The following MLIP variants were observed in gnomAD, a reference collection of about 807,000 sequenced individuals.
MLIP encodes the protein muscular LMNA interacting protein, also known as muscular LMNA-interacting protein.
A neutral mutation model predicts 84.8 loss-of-function variants in MLIP; 79 were observed. The ratio of observed to expected loss-of-function variants is 0.93; its 90% confidence interval spans 0.78 to 1.12. The LOEUF (loss-of-function observed/expected upper bound fraction) is 1.12. MLIP is among the 50% of genes most tolerant of loss of function. MLIP has a pLI of 0.00. For synonymous variants in MLIP, 504 were observed against 463.0 expected (o/e 1.09, Z -1.14); for missense variants, 1,257 against 1,160.6 (o/e 1.08, Z -1.21).
chr6:54,233,368 C>G (rs1781140454), intron 12 of MLIP, among the ~76,000 whole-genome samples: 1 of 151,724 alleles, frequency 6.6e-6, no homozygotes, highest in Non-Finnish European at 1.5e-5. Flanking sequence ...GTGATGTTCC[C>G]CTCTCTGTGT....
intron 1 of MLIP, among the ~76,000 whole-genome samples, chr6:54,060,167 T>C (rs954221538): frequency 2.0e-5 from 3 of 152,196 alleles, no homozygotes; most frequent in African/African-American, 7.2e-5. Context: ...CCCTGGAAAG[T>C]CTAGATACCT....
At chr6:54,246,266 C>A (rs898211020) in intron 12 of MLIP, among the ~76,000 whole-genome samples, 15 of 152,082 alleles carry the variant, frequency 9.9e-5, no homozygotes, top group African/African-American at 3.1e-4. Flanking sequence ...GACTTGCTTT[C>A]AAAGCATTAG....
chr6:54,147,536 A>C (rs1445307299), intron 4 of MLIP, among the ~76,000 whole-genome samples: 1 of 152,124 alleles, frequency 6.6e-6, no homozygotes, highest in Non-Finnish European at 1.5e-5. Context: ...CTTAAGAGTT[A>C]AGAGACTTGC....
chr6:54,093,723 G>A (rs9357788), intron 1 of MLIP, among the ~76,000 whole-genome samples: 10,247 of 152,276 alleles, frequency 0.067, 587 homozygotes, highest in East Asian at 0.33. Flanking sequence ...ATCCGCACAG[G>A]CACACTTATT....
At chr6:54,145,098 T>C (rs1021743316) in intron 4 of MLIP, among the ~76,000 whole-genome samples, 4 of 152,196 alleles carry the variant, frequency 2.6e-5, no homozygotes, top group East Asian at 3.8e-4. Flanking sequence ...AGATTACAAA[T>C]TGGAGAGAAC....
chr6:54,113,321 T>G (rs1769633979), intron 1 of MLIP, among the ~76,000 whole-genome samples: 1 of 152,158 alleles, frequency 6.6e-6, no homozygotes, highest in Non-Finnish European at 1.5e-5. Flanking sequence ...TTCAGTAATT[T>G]CCTTGCCAAA....
At chr6:54,119,330 C>T (rs949068687) in intron 1 of MLIP, among the ~76,000 whole-genome samples, 3 of 152,116 alleles carry the variant, frequency 2.0e-5, no homozygotes, top group Non-Finnish European at 4.4e-5. Flanking sequence ...AAATGTAGTA[C>T]ATATACACAG....
At chr6:54,153,561 G>A (rs559040558) in intron 5 of MLIP, among the ~76,000 whole-genome samples, 1 of 151,988 alleles carries the variant, frequency 6.6e-6, no homozygotes, top group Non-Finnish European at 1.5e-5. Context: ...ATCTCTTTAT[G>A]TCTTGGCAGG....
At chr6:54,138,793 A>G (rs984861408) in intron 4 of MLIP, among the ~76,000 whole-genome samples, 1 of 152,180 alleles carries the variant, frequency 6.6e-6, no homozygotes, top group African/African-American at 2.4e-5. Context: ...GCAACTCTAC[A>G]CTAAGGCATG....
chr6:54,159,990 T>G (rs1433042965), intron 5 of MLIP, among the ~76,000 whole-genome samples: 1 of 151,956 alleles, frequency 6.6e-6, no homozygotes, highest in Non-Finnish European at 1.5e-5. Flanking sequence ...TATAGACCAA[T>G]GGAACAGAAC....
intron 12 of MLIP, among the ~76,000 whole-genome samples, chr6:54,240,065 T>A (rs971063426): frequency 2.0e-5 from 3 of 152,222 alleles, no homozygotes; most frequent in Non-Finnish European, 2.9e-5. Flanking sequence ...AATGAATTGT[T>A]GTATGCCTAT....
chr6:54,220,350 A>G (rs182819246), intron 11 of MLIP, among the ~76,000 whole-genome samples: 2 of 152,182 alleles, frequency 1.3e-5, no homozygotes, highest in African/African-American at 2.4e-5. Flanking sequence ...AAGGTACTCA[A>G]TATTATAATG....
Position 54,153,229 on chromosome 6 carries a change from T to A in MLIP, c.2289+4102T>A, listed in dbSNP as rs151007932. Among the ~76,000 whole-genome samples the A allele has an allele frequency of 8.5e-5, 13 of 152,246 alleles. No homozygotes were observed. In the East Asian group the frequency reaches 2.3e-3, roughly 27 times the overall value. On this transcript the variant is annotated intron_variant, in intron 5 of 13. Transcript: ENST00000502396. ...TTTGGTGCAAGGAATATAAAATTAG[T>A]TATTTTAACAACTAATAAAAACGAC... is the stretch of plus-strand genomic sequence containing the variant.
intron 1 of MLIP, among the ~76,000 whole-genome samples, chr6:54,072,696 C>T (rs1011017719): frequency 6.6e-6 from 1 of 152,072 alleles, no homozygotes; most frequent in African/African-American, 2.4e-5. Flanking sequence ...CAATGAGTTG[C>T]CACTGTGATA....
intron 1 of MLIP, among the ~76,000 whole-genome samples, chr6:54,091,584 C>T (rs1427615830): frequency 1.3e-5 from 2 of 152,034 alleles, no homozygotes; most frequent in South Asian, 2.1e-4. Flanking sequence ...TTCAAGATCA[C>T]GTGGGAGAAA....
intron 1 of MLIP, chr6:54,099,591 T>C (rs1768489838): frequency 6.6e-6 from 1 of 152,166 alleles, no homozygotes; most frequent in Non-Finnish European, 1.5e-5. Flanking sequence ...CTGCTCAGCG[T>C]CTCTAACCCT....
At position 54,097,744 on chromosome 6, in the gene MLIP, C is replaced by T. The variant is rs150747793; in HGVS notation, c.64-23703C>T. On this transcript the variant is annotated intron_variant, in intron 1 of 12. Coordinates refer to the MLIP transcript ENST00000274897. ...TATGTAACAGGCATTATTTCAAATG[C>T]TTTATATCTATTGCATAATTTAATG... Among the ~76,000 whole-genome samples, 1,361 of 152,220 alleles carry T rather than the reference C, an allele frequency of 8.9e-3. 24 individuals are homozygous for T. Among genetic ancestry groups the T allele is most frequent in the African/African-American group, 0.03 (1,252 of 41,520 alleles).
At chr6:54,250,606 A>G (rs1054885074) in intron 12 of MLIP, among the ~76,000 whole-genome samples, 1 of 152,132 alleles carries the variant, frequency 6.6e-6, no homozygotes, top group Non-Finnish European at 1.5e-5. Flanking sequence ...AGCACTTTCA[A>G]GGGCTTACAG....
Position 54,137,657 on chromosome 6 carries a change from A to G in MLIP, c.1588A>G (p.Thr530Ala), listed in dbSNP as rs1771934055. The change falls in exon 4 of 14, where the codon ACT (threonine) becomes GCT (alanine). Residue 530 changes from threonine (T) to alanine (A), a missense_variant. Coordinates refer to ENST00000502396, the MANE Select transcript of MLIP (RefSeq NM_001281747.2). ...SMNVERTPSP[T>A]LKSNTMLSLL... ...GAATGTAGAGAGAACACCATCACCT[A>G]CTTTGAAGAGCAATACCATGCTCTC... 1.3e-6 allele frequency: 2 copies of G among 1,535,868 alleles called. No individual in the cohort carries two copies. The highest frequency in any genetic ancestry group is 1.4e-5 in the African/African-American group (1 of 72,990).
Sources: allele counts gnomAD v4.1 joint callset (sites outside exome capture counted in the v4.1 genomes callset), GRCh38; gene constraint gnomAD v4.1.1; transcripts MANE v1.5; gene names NCBI Gene and HGNC (gene_info 2026-07-23, HGNC 2026-07-21).